The following S100A16 variants were observed in gnomAD, a reference collection of about 807,000 sequenced individuals.
S100A16 encodes protein S100-A16.
S100A16 carries 8 observed loss-of-function variants against 9.0 expected under a neutral mutation model. The ratio of observed to expected loss-of-function variants is 0.89; its 90% CI spans 0.52 to 1.60. The LOEUF (loss-of-function observed/expected upper bound fraction) is 1.60. S100A16 is among the 40% of genes most tolerant of loss of function. The pLI, the probability that S100A16 is intolerant of heterozygous loss-of-function variation, is 0.00. For synonymous variants in S100A16, 51 were observed against 51.4 expected (o/e 0.99, Z 0.04); for missense variants, 138 against 132.4 (o/e 1.04, Z -0.21).
At chr1:153,611,951 A>ACACACACACC (rs1459742210) in intron 1 of S100A16, among the ~76,000 whole-genome samples, 3 of 147,382 alleles carry the variant, frequency 2.0e-5, no homozygotes, top group Non-Finnish European at 1.5e-5. Flanking sequence ...ACACACACAC[A>ACACACACACC]CCGAGCAAGG....
chr1:153,610,747 G>A (rs1666817053), intron 1 of S100A16, among the ~76,000 whole-genome samples: 1 of 152,144 alleles, frequency 6.6e-6, no homozygotes, highest in African/African-American at 2.4e-5. Flanking sequence ...CAGGCAGGCA[G>A]GGATCGTTAT....
At chr1:153,612,109 A>C (rs1457051196) in intron 1 of S100A16, among the ~76,000 whole-genome samples, 1 of 148,736 alleles carries the variant, frequency 6.7e-6, no homozygotes, top group Non-Finnish European at 1.5e-5. Flanking sequence ...CGCCTCCCCC[A>C]ACACACACAC....
chr1:153,612,447 G>C (rs1046299875), intron 1 of S100A16, among the ~76,000 whole-genome samples: 2 of 150,950 alleles, frequency 1.3e-5, no homozygotes, highest in Admixed American at 1.3e-4. Flanking sequence ...CTTGGGTCGT[G>C]AGGTAGAGGG....
At chr1:153,612,548 G>C (rs1372489413) in intron 1 of S100A16, among the ~76,000 whole-genome samples, 7 of 152,018 alleles carry the variant, frequency 4.6e-5, no homozygotes, top group African/African-American at 1.7e-4. Flanking sequence ...CCTCCCCTAG[G>C]ACACAGCTCC....
rs1381904868 is a variant in S100A16, at chr1:153,608,121, C to T, written c.31G>A (p.Ala11Thr). Residue 11 changes from alanine to threonine, a missense_variant, in exon 2 of 3, where the codon GCA becomes ACA. Ala to Thr is a moderately conservative substitution (Grantham distance 58). Transcript: ENST00000368706. MSDCYTELEK[A>T]VIVLVENFYK... ...AAGTTTTCCACCAGGACAATGACTG[C>T]CTTCTCCAGCTCCGTGTAGCAGTCT... 3 of 1,613,998 alleles carry T rather than the reference C, an allele frequency of 1.9e-6. No homozygotes were observed. The highest frequency in any genetic ancestry group is 2.5e-6 in the Non-Finnish European group (3 of 1,179,960).
intron 1 of S100A16, among the ~76,000 whole-genome samples, chr1:153,608,627 TCCC>T (rs758458961): frequency 0.12 from 17,936 of 151,590 alleles, 1,925 homozygotes; most frequent in African/African-American, 0.29. Flanking sequence ...TGCCTCCCAC[TCCC>T]AGGACTGGCT....
In S100A16 at chr1:153,607,860, G is replaced by A. The variant is rs1036880367; in HGVS notation, c.153+139C>T. 7 of 1,181,314 alleles carry A rather than the reference G, an allele frequency of 5.9e-6. No homozygotes were observed. In the Admixed American group the frequency reaches 1.5e-4, roughly 25 times the overall value. 73.2% of individuals were successfully genotyped at this position (1,181,314 alleles called of 1,614,324 possible). The stretch of plus-strand genomic sequence containing the variant: ...AAGCATCCTGAGAAGACAGAGGCCT[G>A]GGGGTGTAGAAGACCCTGGAGTTAG... On this transcript the variant is annotated intron_variant, in intron 2 of 2. Coordinates refer to ENST00000368706, the MANE Select transcript of S100A16 (RefSeq NM_080388.3).
chr1:153,609,471 G>A (rs1212475003), intron 1 of S100A16: 16 of 541,202 alleles, frequency 3.0e-5, no homozygotes, highest in Admixed American at 2.5e-4. Context: ...TCCCACAGAC[G>A]TGTCTGTCAT....
At chr1:153,611,915 T>TCACACACACACACACA (rs1250361327) in intron 1 of S100A16, among the ~76,000 whole-genome samples, 20 of 79,714 alleles carry the variant, frequency 2.5e-4, no homozygotes, top group Admixed American at 3.3e-4. Context: ...TTTGTCTCTC[T>TCACACACACACACACA]CTCACACACA....
rs9725547 is a variant in S100A16, at chr1:153,610,889, G to A, written c.-27+2063C>T. Among the ~76,000 whole-genome samples, 404 of 151,524 alleles carry A rather than the reference G, an allele frequency of 2.7e-3. 1 individual carries two copies. The highest frequency in any genetic ancestry group is 9.4e-3 in the African/African-American group (386 of 41,260). ...CCCCGGGTCTCCTGGTTCAGGGGTC[G>A]GGCAGATGTTCTATCCCATCAGCCG... On this transcript the variant is annotated intron_variant, in intron 1 of 2. Transcript: ENST00000368706.
chr1:153,611,081 T>G (rs1428130855), intron 1 of S100A16, among the ~76,000 whole-genome samples: 1 of 151,310 alleles, frequency 6.6e-6, no homozygotes, highest in African/African-American at 2.4e-5. Flanking sequence ...CCTACCCCAA[T>G]GTTCTCATTG....
intron 1 of S100A16, among the ~76,000 whole-genome samples, chr1:153,611,717 C>A (rs1666838217): frequency 6.6e-6 from 1 of 152,076 alleles, no homozygotes. Flanking sequence ...CTGACAATGC[C>A]ACCTCTATCA....
chr1:153,609,661 C>T (rs576572750), intron 1 of S100A16, among the ~76,000 whole-genome samples: 73 of 152,320 alleles, frequency 4.8e-4, no homozygotes, highest in African/African-American at 1.7e-3. Flanking sequence ...TATACACCAC[C>T]CCCTGCTTTT....
chr1:153,607,559 T>C lies in S100A16; in HGVS notation c.287A>G (p.Glu96Gly), dbSNP rs765748739. Residue 96 changes from glutamate (E) to glycine (G), a missense_variant, in exon 3 of 3, where the codon GAG becomes GGG. Glu to Gly is a moderately conservative substitution (Grantham distance 98). Coordinates refer to ENST00000368706, the MANE Select transcript of S100A16 (RefSeq NM_080388.3). ...CTAGCTGCTGCTCTGCTGCTCCTGC[T>C]CATGGATGAGTTTGGCGATGGGGCC... ...ITGPIAKLIH[E>G]QEQQSSS is the part of the protein sequence containing the mutation. 46 of 1,614,194 alleles carry C rather than the reference T, an allele frequency of 2.8e-5. No individual in the cohort carries two copies. In the Middle Eastern group the frequency reaches 5.0e-4, roughly 17 times the overall value.
intron 1 of S100A16, chr1:153,608,380 C>T (rs780448234): frequency 2.8e-4 from 153 of 547,572 alleles, no homozygotes; most frequent in Non-Finnish European, 9.1e-5. Flanking sequence ...AATCCAGGTG[C>T]TCCCCAGCTC....
chr1:153,611,885 G>T (rs567831425), intron 1 of S100A16, among the ~76,000 whole-genome samples: 1 of 135,618 alleles, frequency 7.4e-6, no homozygotes, highest in Non-Finnish European at 1.6e-5. Context: ...CATCCTCACA[G>T]GATTCTGCGT....
intron 1 of S100A16, among the ~76,000 whole-genome samples, chr1:153,612,494 C>T (rs1666860012): frequency 6.6e-6 from 1 of 152,104 alleles, no homozygotes. Context: ...TTCTCGGAAT[C>T]TCAGGCTCCC....
At chr1:153,608,596 G>T (rs1666758657) in intron 1 of S100A16, among the ~76,000 whole-genome samples, 1 of 151,858 alleles carries the variant, frequency 6.6e-6, no homozygotes, top group African/African-American at 2.4e-5. Flanking sequence ...ATGAGCCATG[G>T]AGGTTAGGGG....
chr1:153,609,342 C>T, intron 1 of S100A16: 1 of 986,194 alleles, frequency 1.0e-6, no homozygotes, highest in Non-Finnish European at 1.2e-6. Context: ...GCCATTCCTA[C>T]TCCCATGCCG....
Sources: allele counts gnomAD v4.1 joint callset (sites outside exome capture counted in the v4.1 genomes callset), GRCh38; gene constraint gnomAD v4.1.1; transcripts MANE v1.5; gene names NCBI Gene and HGNC (gene_info 2026-07-23, HGNC 2026-07-21).